Variants in SKA3 observed in about 807,000 individuals in gnomAD.
SKA3 encodes spindle and kinetochore-associated protein 3.
SKA3 carries 39 observed loss-of-function variants against 44.2 expected under a neutral mutation model. The ratio of observed to expected loss-of-function variants is 0.88; its 90% confidence interval spans 0.68 to 1.15. The LOEUF (loss-of-function observed/expected upper bound fraction) is 1.15. SKA3 is among the 50% of genes most tolerant of loss of function. The probability of loss-of-function intolerance (pLI) is 0.00; values close to 1 mark genes in which losing one functional copy is unlikely to be tolerated. For synonymous variants in SKA3, 192 were observed against 172.0 expected, an observed-to-expected ratio of 1.12 and a Z score of -0.91; for missense variants, 511 against 485.8, an observed-to-expected ratio of 1.05 and a Z score of -0.49.
At chr13:21,160,125 A>ACTATTTGTTATTGTG in intron 5 of SKA3, 138 bp from the exon 6 acceptor site, 1 of 517,826 alleles carries the variant, frequency 1.9e-6, no homozygotes, top group Non-Finnish European at 3.3e-6. Flanking sequence ...GTAATACACA[A>ACTATTTGTTATTGTG]TAACAAATAG....
intron 1 of SKA3, 122 bp downstream of exon 1, chr13:21,176,253 C>G: frequency 1.3e-6 from 1 of 779,680 alleles, no homozygotes; most frequent in South Asian, 1.9e-5. Context: ...CCCTGCGCCT[C>G]GGTGGCAGCC....
chr13:21,155,732 T>G lies in SKA3; in HGVS notation c.1199A>C (p.His400Pro). ...AVPPSKRFLK[H>P]GQNIRDVSNK... Reference sequence around the variant, plus strand: ...GCTGACATCTCGGATGTTCTGTCCATGTTTAAGGAACCTTTTACTGGGTGG... The same window carrying G: ...GCTGACATCTCGGATGTTCTGTCCAGGTTTAAGGAACCTTTTACTGGGTGG... The change falls in exon 8 of 9, where the codon CAT (histidine) becomes CCT (proline). Residue 400 changes from histidine (H) to proline (P), a missense_variant. Coordinates refer to ENST00000314759, the MANE Select transcript of SKA3 (RefSeq NM_145061.6). 6.2e-7 allele frequency: 1 copy of G among 1,612,012 alleles called. No homozygotes were observed. The highest frequency in any genetic ancestry group is 8.5e-7 in the Non-Finnish European group (1 of 1,178,132).
chr13:21,169,692 C>G (rs1870929639), intron 3 of SKA3, among the ~76,000 whole-genome samples: 1 of 152,166 alleles, frequency 6.6e-6, no homozygotes, highest in African/African-American at 2.4e-5. Context: ...CCTTTACCAC[C>G]TGAGACACTA....
At position 21,168,332 on chromosome 13, in the gene SKA3, A is replaced by G; in HGVS notation, c.399T>C (p.Asp133=). The G allele has an allele frequency of 6.2e-7, 1 of 1,614,118 alleles. No individual in the cohort carries two copies. Among genetic ancestry groups the G allele is most frequent in the Non-Finnish European group, 8.5e-7 (1 of 1,180,008 alleles). The change falls in exon 4 of 9, where the codon GAT becomes GAC. Residue 133 remains aspartate (D), a synonymous_variant. Coordinates refer to ENST00000314759, the MANE Select transcript of SKA3 (RefSeq NM_145061.6). ...GAGGATCAGACAGATCATCTTTCAC[A>G]TCAGTCTTCTGAAAATTTTCACAAT... ...LSNCENFQKT[D]VKDDLSDPPV... is the part of the protein sequence containing the mutation.
intron 4 of SKA3, among the ~76,000 whole-genome samples, chr13:21,167,175 C>T (rs1870757021): frequency 6.6e-6 from 1 of 152,126 alleles, no homozygotes. Context: ...TCACCTATCC[C>T]CCCATACTCC....
chr13:21,175,010 A>C (rs1268066138), intron 1 of SKA3, among the ~76,000 whole-genome samples: 1 of 152,152 alleles, frequency 6.6e-6, no homozygotes, highest in Non-Finnish European at 1.5e-5. Context: ...GATGGAGTCT[A>C]AGATCGCTCA....
At chr13:21,172,785 T>G (rs1008763060) in intron 1 of SKA3, 104 bp from the exon 2 acceptor site, 15 of 652,774 alleles carry the variant, frequency 2.3e-5, no homozygotes, top group Non-Finnish European at 3.6e-5. Context: ...CATTGGTCAA[T>G]CACAGATCAC....
chr13:21,168,110 T>C lies in SKA3; in HGVS notation c.621A>G (p.Ala207=). ...CACACTCAAAATCATCCATTTTTAG[T>C]GCACATTTTGGAGTTTTTAGTACTT... ...LVKVLKTPKC[A]LKMDDFECVT... is the part of the protein sequence containing the mutation. The change falls in exon 4 of 9, where the codon GCA becomes GCG. Residue 207 remains alanine, a synonymous_variant. Coordinates refer to ENST00000314759, the MANE Select transcript of SKA3 (RefSeq NM_145061.6). 5 of 1,614,256 alleles carry C rather than the reference T, an allele frequency of 3.1e-6. No homozygotes were observed. The highest frequency in any genetic ancestry group is 4.2e-6 in the Non-Finnish European group (5 of 1,180,046).
At chr13:21,169,303 C>T (rs533204524) in intron 3 of SKA3, among the ~76,000 whole-genome samples, 70 of 152,092 alleles carry the variant, frequency 4.6e-4, no homozygotes, top group African/African-American at 1.6e-3. Context: ...GTGGCAATCT[C>T]GGCTCACTGC....
chr13:21,160,085 G>C, intron 5 of SKA3, 98 bp from the exon 6 acceptor site: 1 of 674,176 alleles, frequency 1.5e-6, no homozygotes, highest in Non-Finnish European at 2.2e-6. Context: ...ATTATCATTA[G>C]CACTACTAAA....
intron 1 of SKA3, 113 bp downstream of exon 1, chr13:21,176,262 C>T: frequency 1.2e-6 from 1 of 833,660 alleles, no homozygotes; most frequent in South Asian, 2.1e-5. Context: ...TCGGTGGCAG[C>T]CGTCCACGCC....
chr13:21,166,191 A>C (rs1310165227), intron 4 of SKA3, among the ~76,000 whole-genome samples: 1 of 151,738 alleles, frequency 6.6e-6, no homozygotes, highest in Non-Finnish European at 1.5e-5. Flanking sequence ...CTAGTTTTTC[A>C]TATTTTTAGT....
rs140253351 is a variant in SKA3, at chr13:21,154,755, G to C, written c.*395C>G. 6.6e-6 allele frequency: 2 copies of C among 303,402 alleles called. No individual in the cohort carries two copies. Among genetic ancestry groups the C allele is most frequent in the Non-Finnish European group, 1.3e-5 (2 of 157,252 alleles). 18.8% of individuals were successfully genotyped at this position (303,402 alleles called of 1,614,324 possible). A position where few individuals can be genotyped will look rare whatever the true frequency, so the allele number is the denominator to read the frequency against. The stretch of plus-strand genomic sequence containing the variant: ...GGACGGTCCTGAAAGGAGATGATGG[G>C]AAGGCAGAGCTGGCTGGCAGCAATG... On this transcript the variant is annotated 3_prime_UTR_variant, in exon 9 of 9. Coordinates refer to ENST00000314759, the MANE Select transcript of SKA3 (RefSeq NM_145061.6).
At position 21,168,130 on chromosome 13, in the gene SKA3, GTACTTT is replaced by G. The variant is rs776634041; in HGVS notation, c.595_600del (p.Lys199_Val200del). The stretch of plus-strand genomic sequence containing the variant: ...TTTAGTGCACATTTTGGAGTTTTTA[GTACTTT>G]TACTAGTGATTGTTTGGTAGGTGGG... On this transcript the variant is annotated inframe_deletion, in exon 4 of 9. Transcript: ENST00000314759. The G allele has an allele frequency of 1.2e-6, 2 of 1,614,120 alleles. No individual in the cohort carries two copies. Among genetic ancestry groups the G allele is most frequent in the Admixed American group, 3.3e-5 (2 of 59,992 alleles).
At chr13:21,160,972 C>T (rs1870405641) in intron 5 of SKA3, among the ~76,000 whole-genome samples, 1 of 151,888 alleles carries the variant, frequency 6.6e-6, no homozygotes, top group Non-Finnish European at 1.5e-5. Flanking sequence ...AAAATACAAA[C>T]ATTAGCTGGG....
chr13:21,158,008 A>C lies in SKA3; in HGVS notation c.1033T>G (p.Ser345Ala), dbSNP rs760654135. 6.2e-7 allele frequency: 1 copy of C among 1,613,490 alleles called. No homozygotes were observed. Among genetic ancestry groups the C allele is most frequent in the Admixed American group, 1.7e-5 (1 of 60,012 alleles). ...DTCFENLTDPSSPTISSYENL... is the reference protein window; with the variant it reads ...DTCFENLTDPASPTISSYENL... ...TCATAAGAAGAAATCGTAGGTGAAG[A>C]GGGATCTGTTAAATTCTCAAAGCAT... Residue 345 changes from serine to alanine, a missense_variant, in exon 7 of 9, where the codon TCT becomes GCT. Transcript: ENST00000314759.
chr13:21,166,864 T>C (rs1424486585), intron 4 of SKA3, among the ~76,000 whole-genome samples: 1 of 152,248 alleles, frequency 6.6e-6, no homozygotes, highest in African/African-American at 2.4e-5. Context: ...TCTTTTGGAT[T>C]AAAATTTTAT....
At chr13:21,164,327 A>G (rs764516152) in intron 4 of SKA3, among the ~76,000 whole-genome samples, 2 of 152,142 alleles carry the variant, frequency 1.3e-5, no homozygotes, top group East Asian at 1.9e-4. Flanking sequence ...TAATTTATCT[A>G]CTTTCTCCTG....
At chr13:21,164,872 C>A (rs1870622751) in intron 4 of SKA3, among the ~76,000 whole-genome samples, 1 of 152,046 alleles carries the variant, frequency 6.6e-6, no homozygotes. Flanking sequence ...AATCACCATG[C>A]CTGACTCATG....
Sources: gnomAD v4.1 joint callset for allele counts (sites outside exome capture counted in the v4.1 genomes callset) on GRCh38, gnomAD v4.1.1 for gene constraint, MANE v1.5 for transcripts, NCBI Gene and HGNC (gene_info 2026-07-23, HGNC 2026-07-21) for gene names.